ZNF534: variants seen among roughly 807,000 people sequenced by gnomAD.
The protein encoded by ZNF534 is KRAB domain only 3.
In ZNF534, 19 loss-of-function variants were observed where a neutral mutation model predicts 13.6. The observed-to-expected ratio is 1.40, with a 90% CI of 0.97 to 2.05. The LOEUF is 2.05. Among genes scored for constraint, ZNF534 ranks in the 30% most tolerant of loss-of-function variants. ZNF534 has a pLI of 0.00. For missense variants in ZNF534, 782 were observed against 796.3 expected, an observed-to-expected ratio of 0.98 and a Z score of 0.22; for synonymous variants, 244 against 273.8, an observed-to-expected ratio of 0.89 and a Z score of 1.07.
At chr19:52,446,556 A>T (rs2059195241), downstream of ZNF534, among the ~76,000 whole-genome samples, 1 of 1,834 alleles carries the variant, frequency 5.5e-4, no homozygotes, top group African/African-American at 1.1e-3. Flanking sequence ...TGAGTGCTTT[A>T]AAAAAAATCC....
At chr19:52,446,289 A>G (rs2059194208), downstream of ZNF534, among the ~76,000 whole-genome samples, 1 of 152,188 alleles carries the variant, frequency 6.6e-6, no homozygotes, top group African/African-American at 2.4e-5. Context: ...GCCTCTTCTC[A>G]CTGGATGATA....
exon 5 of ZNF534, chr19:52,451,280 T>C: frequency 9.6e-7 from 1 of 1,037,964 alleles, no homozygotes; most frequent in African/African-American, 1.6e-5. Context: ...CCAAACTTTG[T>C]GGGAAATGAC....
chr19:52,429,302 A>G (rs2059070702), intron 1 of ZNF534, 58 bp downstream of exon 1: 1 of 152,078 alleles, frequency 6.6e-6, no homozygotes, highest in Non-Finnish European at 1.5e-5. Context: ...GTGCTTCTAC[A>G]CCCGCGATCT....
chr19:52,429,736 C>T (rs540248612), intron 1 of ZNF534, among the ~76,000 whole-genome samples: 1 of 151,972 alleles, frequency 6.6e-6, no homozygotes, highest in South Asian at 2.1e-4. Flanking sequence ...GCTGGGATTA[C>T]AGGCATACGC....
In ZNF534 at chr19:52,448,430, G is replaced by A. The variant is rs139825540; in HGVS notation, c.272-2757G>A. Among the ~76,000 whole-genome samples the A allele has an allele frequency of 2.0e-4, 31 of 152,130 alleles. No homozygotes were observed. The East Asian group carries it at 5.2e-3, about 26-fold the overall frequency. ...AAAAATTATTTTTTAAAATTAGCCC[G>A]GCATGGTGTTCCATCTACTTGTGAA... On this transcript the variant is annotated intron_variant, in intron 4 of 4. Coordinates refer to the ZNF534 transcript ENST00000301085.
chr19:52,433,513 CCCACCACCGCGCCTGGCTAA>C (rs2059105057), intron 2 of ZNF534, among the ~76,000 whole-genome samples: 1 of 151,972 alleles, frequency 6.6e-6, no homozygotes, highest in Admixed American at 6.6e-5. Context: ...ACTACAGACC[CCCACCACCGCGCCTGGCTAA>C]TTTTTTGTAT....
downstream of ZNF534, among the ~76,000 whole-genome samples, chr19:52,443,745 A>G (rs1365981100): frequency 8.8e-5 from 2 of 22,776 alleles, no homozygotes; most frequent in Admixed American, 4.4e-4. Flanking sequence ...GTGAGACTCC[A>G]TCTCAAAAAC....
chr19:52,443,742 T>TC (rs1350243229), downstream of ZNF534, among the ~76,000 whole-genome samples: 1 of 51,614 alleles, frequency 1.9e-5, no homozygotes, highest in African/African-American at 6.2e-5. Context: ...GTAGTGAGAC[T>TC]CCATCTCAAA....
downstream of ZNF534, among the ~76,000 whole-genome samples, chr19:52,444,128 G>GGC (rs1051764005): frequency 1.4e-4 from 3 of 21,392 alleles, no homozygotes; most frequent in African/African-American, 3.2e-4. Context: ...CATTTGGGTA[G>GGC]GCTGTCAGAG....
chr19:52,445,570 A>G (rs1225519475), downstream of ZNF534, among the ~76,000 whole-genome samples: 1 of 152,142 alleles, frequency 6.6e-6, no homozygotes, highest in Non-Finnish European at 1.5e-5. Flanking sequence ...CAGGTTTGCC[A>G]GTGACGGTTT....
At chr19:52,433,533 AT>A (rs770879665) in intron 2 of ZNF534, among the ~76,000 whole-genome samples, 5 of 151,834 alleles carry the variant, frequency 3.3e-5, no homozygotes, top group Middle Eastern at 3.4e-3. Flanking sequence ...CGCCTGGCTA[AT>A]TTTTTGTATT....
At chr19:52,436,837 C>G (rs542485231) in intron 4 of ZNF534, among the ~76,000 whole-genome samples, 2 of 152,116 alleles carry the variant, frequency 1.3e-5, no homozygotes, top group East Asian at 3.9e-4. Flanking sequence ...TTTTCACATA[C>G]TGTTTTTCTG....
chr19:52,447,102 ACT>A (rs1270851306), downstream of ZNF534, among the ~76,000 whole-genome samples: 1 of 151,980 alleles, frequency 6.6e-6, no homozygotes, highest in Non-Finnish European at 1.5e-5. Flanking sequence ...CTACTAAGTG[ACT>A]CTAACTCCAC....
At chr19:52,445,197 A>T (rs867033147), downstream of ZNF534, among the ~76,000 whole-genome samples, 1,356 of 143,298 alleles carry the variant, frequency 9.5e-3, 31 homozygotes, top group African/African-American at 0.033. Flanking sequence ...CACTCAGCTA[A>T]TTTTTTTTTT....
chr19:52,448,181 C>T (rs534481724), intron 4 of ZNF534, among the ~76,000 whole-genome samples: 49 of 151,978 alleles, frequency 3.2e-4, no homozygotes, highest in African/African-American at 9.6e-4. Flanking sequence ...TTTGGAAGGC[C>T]GAGGTGGGCT....
chr19:52,432,790 G>A lies in ZNF534; in HGVS notation c.16-1165G>A, dbSNP rs2059096890. The stretch of plus-strand genomic sequence containing the variant: ...TGGGATTACAGGTGCACACCTCCAT[G>A]CCCAGCTCATTTTTTGTATTTAGTA... On this transcript the variant is annotated intron_variant, in intron 2 of 4. Coordinates refer to ENST00000433050, the MANE Select transcript of ZNF534 (RefSeq NM_001143938.3). 3.3e-5 allele frequency among the ~76,000 whole-genome samples: 5 copies of A among 151,982 alleles called. No individual in the cohort carries two copies. The South Asian group carries it at 1.0e-3, about 32-fold the overall frequency.
downstream of ZNF534, among the ~76,000 whole-genome samples, chr19:52,447,203 T>C (rs1428442370): frequency 6.6e-6 from 1 of 152,218 alleles, no homozygotes; most frequent in African/African-American, 2.4e-5. Flanking sequence ...CTTAACTAGA[T>C]GACATTTGTG....
intron 1 of ZNF534, among the ~76,000 whole-genome samples, chr19:52,430,099 TC>T (rs2059077475): frequency 6.6e-6 from 1 of 151,934 alleles, no homozygotes; most frequent in Non-Finnish European, 1.5e-5. Context: ...GACTGCAACC[TC>T]TGTCTCCTGG....
rs1330306294 is a variant in ZNF534 at position 52,438,982 on chromosome 19, C to T, written c.1522C>T (p.His508Tyr). Residue 508 changes from histidine (H) to tyrosine (Y), a missense_variant, in exon 5 of 5, where the codon CAC becomes TAC. Physicochemically the swap from His to Tyr is moderately conservative, Grantham distance 83. Transcript: ENST00000433050. ...ECGKVFRQNSHLAQHRDIHTG... is the reference protein window; with the variant it reads ...ECGKVFRQNSYLAQHRDIHTG... ...TGGCAAGGTCTTCCGTCAGAATTCA[C>T]ACCTTGCACAACATAGGGATATTCA... 1.2e-6 allele frequency: 2 copies of T among 1,603,818 alleles called. No homozygotes were observed. The highest frequency in any genetic ancestry group is 1.7e-4 in the Middle Eastern group (1 of 6,050).
Sources: gnomAD v4.1 joint callset for allele counts (sites outside exome capture counted in the v4.1 genomes callset) on GRCh38, gnomAD v4.1.1 for gene constraint, MANE v1.5 for transcripts, NCBI Gene and HGNC (gene_info 2026-07-23, HGNC 2026-07-21) for gene names.